TRDN: variants seen among roughly 807,000 people sequenced by gnomAD.
The protein encoded by TRDN is triadin in skeletal muscle.
TRDN carries 161 observed loss-of-function variants against 149.7 expected under a neutral mutation model. That is an observed-to-expected ratio of 1.08 (90% CI 0.95 to 1.23). TRDN has a LOEUF of 1.23. TRDN is among the 50% of genes most tolerant of loss of function. The pLI, the probability that TRDN is intolerant of heterozygous loss-of-function variation, is 0.00. For missense variants in TRDN, 896 were observed against 823.5 expected (o/e 1.09, Z -1.08); for synonymous variants, 294 against 250.5 (o/e 1.17, Z -1.64).
intron 24 of TRDN, among the ~76,000 whole-genome samples, chr6:123,303,323 T>C (rs1032091994): frequency 1.3e-5 from 2 of 152,116 alleles, no homozygotes; most frequent in Non-Finnish European, 2.9e-5. Context: ...ATAAAGATAA[T>C]GTTGTTGGAC....
chr6:123,426,031 C>T (rs182872511), intron 12 of TRDN, among the ~76,000 whole-genome samples: 1 of 152,104 alleles, frequency 6.6e-6, no homozygotes, highest in Admixed American at 6.6e-5. Flanking sequence ...AGTGATGCTC[C>T]TTAGTTAGCA....
At chr6:123,269,120 C>T (rs1444855346) in intron 31 of TRDN, among the ~76,000 whole-genome samples, 1 of 151,914 alleles carries the variant, frequency 6.6e-6, no homozygotes, top group East Asian at 1.9e-4. Flanking sequence ...ATTCAACGAC[C>T]AACATCACAA....
intron 1 of TRDN, among the ~76,000 whole-genome samples, chr6:123,630,896 A>T (rs1440606466): frequency 6.6e-6 from 1 of 151,972 alleles, no homozygotes; most frequent in African/African-American, 2.4e-5. Flanking sequence ...TTTTTAATTA[A>T]CCAAGTTCAT....
At chr6:123,296,742 A>G (rs1778214872) in intron 24 of TRDN, among the ~76,000 whole-genome samples, 1 of 152,060 alleles carries the variant, frequency 6.6e-6, no homozygotes, top group South Asian at 2.1e-4. Context: ...TTTTATGTAT[A>G]TAATTTTGGA....
chr6:123,365,781 G>C (rs1234256698), intron 20 of TRDN, among the ~76,000 whole-genome samples: 2 of 152,070 alleles, frequency 1.3e-5, no homozygotes, highest in African/African-American at 4.8e-5. Flanking sequence ...AGTACTTTTA[G>C]TTAAAGTTTC....
intron 23 of TRDN, among the ~76,000 whole-genome samples, chr6:123,325,068 C>T (rs931116700): frequency 2.0e-5 from 3 of 151,576 alleles, no homozygotes; most frequent in Admixed American, 6.6e-5. Context: ...TCCTTCATGC[C>T]TAGCAAACAC....
At chr6:123,279,125 T>C in intron 24 of TRDN, 43 bp from the exon 25 acceptor site, 3 of 1,504,366 alleles carry the variant, frequency 2.0e-6, no homozygotes, top group Non-Finnish European at 2.7e-6. Flanking sequence ...AGTCATACAA[T>C]TCTTATTAAA....
intron 1 of TRDN, among the ~76,000 whole-genome samples, chr6:123,593,966 A>T (rs903058496): frequency 2.6e-4 from 40 of 152,178 alleles, no homozygotes; most frequent in African/African-American, 9.4e-4. Context: ...TCCTTCTCAA[A>T]TTCCAGATGT....
At chr6:123,627,794 A>G (rs1295346215) in intron 1 of TRDN, among the ~76,000 whole-genome samples, 1 of 152,214 alleles carries the variant, frequency 6.6e-6, no homozygotes, top group East Asian at 1.9e-4. Context: ...AACTTGCTGC[A>G]GCTTCTACAT....
At chr6:123,606,115 C>T (rs1233500520) in intron 1 of TRDN, among the ~76,000 whole-genome samples, 2 of 152,004 alleles carry the variant, frequency 1.3e-5, no homozygotes, top group South Asian at 2.1e-4. Context: ...ATAAAAATGA[C>T]ATTTAATGAA....
chr6:123,311,488 T>C lies in TRDN; in HGVS notation c.1510+4969A>G, dbSNP rs1038350014. On this transcript the variant is annotated intron_variant, in intron 24 of 40. Coordinates refer to ENST00000334268, the MANE Select transcript of TRDN (RefSeq NM_006073.4). ...AGGAAGTACCTTGCCAGTAAACGGT[T>C]GACTTTTAACATTCTCTTAATAATT... Among the ~76,000 whole-genome samples, 12 of 152,088 alleles carry C rather than the reference T, an allele frequency of 7.9e-5. No individual in the cohort carries two copies. The East Asian group carries it at 2.3e-3, about 30-fold the overall frequency.
intron 8 of TRDN, among the ~76,000 whole-genome samples, chr6:123,500,450 T>G (rs1033962786): frequency 6.6e-6 from 1 of 152,188 alleles, no homozygotes; most frequent in Non-Finnish European, 1.5e-5. Context: ...TTTGAAAGAT[T>G]TGTGTTCTAA....
At chr6:123,240,513 A>AT (rs570406134) in intron 38 of TRDN, among the ~76,000 whole-genome samples, 6 of 151,588 alleles carry the variant, frequency 4.0e-5, no homozygotes, top group Admixed American at 1.3e-4. Flanking sequence ...ATAGCAATGG[A>AT]TTTTTTTTCA....
intron 22 of TRDN, among the ~76,000 whole-genome samples, chr6:123,332,299 T>A (rs900971861): frequency 1.1e-5 from 1 of 93,982 alleles, no homozygotes; most frequent in African/African-American, 4.3e-5. Flanking sequence ...TTATTTCTTT[T>A]AGCCCACATT....
chr6:123,554,455 T>A (rs955224732), intron 2 of TRDN, among the ~76,000 whole-genome samples: 7 of 152,220 alleles, frequency 4.6e-5, no homozygotes, highest in African/African-American at 1.7e-4. Context: ...GAAATAATTT[T>A]AAGTGACCAG....
At chr6:123,307,953 A>G (rs1021597442) in intron 24 of TRDN, among the ~76,000 whole-genome samples, 8 of 152,150 alleles carry the variant, frequency 5.3e-5, no homozygotes, top group African/African-American at 1.4e-4. Flanking sequence ...AAATGATCCC[A>G]TCAGCAAGGT....
chr6:123,463,028 T>C (rs1776548959), intron 10 of TRDN: 1 of 152,184 alleles, frequency 6.6e-6, no homozygotes, highest in Non-Finnish European at 1.5e-5. Context: ...GGTTCTGGGA[T>C]GAACTGTCAA....
chr6:123,411,058 T>A (rs1459117757), intron 12 of TRDN, among the ~76,000 whole-genome samples: 2 of 151,166 alleles, frequency 1.3e-5, no homozygotes, highest in African/African-American at 4.9e-5. Context: ...TCTTTTTTTT[T>A]TTTTTTGAGT....
intron 1 of TRDN, among the ~76,000 whole-genome samples, chr6:123,606,693 C>T (rs1174873741): frequency 1.3e-5 from 2 of 151,964 alleles, no homozygotes; most frequent in East Asian, 3.9e-4. Flanking sequence ...AATCATAAGC[C>T]AAATATTCTT....
Sources: allele counts gnomAD v4.1 joint callset (sites outside exome capture counted in the v4.1 genomes callset), GRCh38; gene constraint gnomAD v4.1.1; transcripts MANE v1.5; gene names NCBI Gene and HGNC (gene_info 2026-07-23, HGNC 2026-07-21).